CENPP: variants seen among roughly 807,000 people sequenced by gnomAD.
The protein encoded by CENPP is centromere protein P.
CENPP carries 24 observed loss-of-function variants against 35.6 expected under a neutral mutation model. The observed-to-expected ratio is 0.67, with a 90% CI of 0.49 to 0.95. The LOEUF (loss-of-function observed/expected upper bound fraction) is 0.95. Among genes scored for constraint, CENPP ranks in the 40% least tolerant of loss-of-function variants. CENPP has a pLI of 0.00. For synonymous variants in CENPP, 120 were observed against 125.5 expected (o/e 0.96, Z 0.29); for missense variants, 332 against 345.3 (o/e 0.96, Z 0.31).
chr9:92,575,895 G>A (rs144839495), intron 5 of CENPP, among the ~76,000 whole-genome samples: 4 of 152,170 alleles, frequency 2.6e-5, no homozygotes, highest in Admixed American at 1.3e-4. Flanking sequence ...ACCGTTGCGC[G>A]CTGTTATAGT....
chr9:92,422,588 C>T (rs1843840653), intron 5 of CENPP, among the ~76,000 whole-genome samples: 1 of 152,204 alleles, frequency 6.6e-6, no homozygotes, highest in African/African-American at 2.4e-5. Context: ...CCTTGAGGAA[C>T]AATTTCTCTT....
intron 5 of CENPP, among the ~76,000 whole-genome samples, chr9:92,541,362 T>A (rs1378053927): frequency 6.6e-6 from 1 of 151,814 alleles, no homozygotes; most frequent in Admixed American, 6.6e-5. Context: ...TCCCCATCAC[T>A]AGCCTCTGGT....
intron 5 of CENPP, among the ~76,000 whole-genome samples, chr9:92,461,352 C>T (rs1456300358): frequency 6.6e-6 from 1 of 152,174 alleles, no homozygotes; most frequent in Non-Finnish European, 1.5e-5. Context: ...AGTTTCCCCA[C>T]TTGTCTCAAA....
chr9:92,558,973 T>C (rs1033221356), intron 5 of CENPP, among the ~76,000 whole-genome samples: 10 of 152,080 alleles, frequency 6.6e-5, no homozygotes, highest in Non-Finnish European at 1.3e-4. Flanking sequence ...TGAAGGGCAG[T>C]TCCCCCGCCA....
intron 5 of CENPP, among the ~76,000 whole-genome samples, chr9:92,478,383 A>G (rs1845788362): frequency 6.6e-6 from 1 of 152,148 alleles, no homozygotes; most frequent in Non-Finnish European, 1.5e-5. Context: ...GTCAATGGGA[A>G]ATGAAGATTT....
intron 5 of CENPP, among the ~76,000 whole-genome samples, chr9:92,383,145 G>A (rs911033549): frequency 2.0e-5 from 3 of 151,954 alleles, no homozygotes; most frequent in Admixed American, 6.6e-5. Flanking sequence ...TAATCCACCC[G>A]CCTCAGCCTC....
At chr9:92,543,520 G>A (rs140841698) in intron 5 of CENPP, among the ~76,000 whole-genome samples, 1 of 149,994 alleles carries the variant, frequency 6.7e-6, no homozygotes, top group Non-Finnish European at 1.5e-5. Flanking sequence ...AGCTATTCAG[G>A]GTCTTTTGTG....
chr9:92,470,511 T>C (rs1845472082), intron 5 of CENPP, among the ~76,000 whole-genome samples: 1 of 152,236 alleles, frequency 6.6e-6, no homozygotes, highest in Non-Finnish European at 1.5e-5. Flanking sequence ...ATGAAATCTA[T>C]AATTTTTAAT....
chr9:92,475,088 A>G (rs546136510), intron 5 of CENPP, among the ~76,000 whole-genome samples: 2 of 152,332 alleles, frequency 1.3e-5, no homozygotes, highest in East Asian at 3.9e-4. Flanking sequence ...AGCAATGTGC[A>G]TTGGGAACTC....
At chr9:92,608,950 G>C (rs1851158091) in intron 5 of CENPP, among the ~76,000 whole-genome samples, 4 of 152,208 alleles carry the variant, frequency 2.6e-5, no homozygotes, top group Non-Finnish European at 5.9e-5. Flanking sequence ...GCCCCACGTT[G>C]GAGCTGGCCC....
At chr9:92,522,839 AAAAAC>A (rs764161576) in intron 5 of CENPP, 2 of 1,608,472 alleles carry the variant, frequency 1.2e-6, no homozygotes, top group Non-Finnish European at 1.7e-6. Flanking sequence ...ATAAGCAGAA[AAAAAC>A]AAAACAAAAC....
chr9:92,549,841 C>T (rs1849550870), intron 5 of CENPP, among the ~76,000 whole-genome samples: 1 of 152,120 alleles, frequency 6.6e-6, no homozygotes, highest in South Asian at 2.1e-4. Context: ...TTCTCTTACT[C>T]CCTGAGCAAA....
intron 1 of CENPP, among the ~76,000 whole-genome samples, chr9:92,330,442 G>A (rs1019387393): frequency 2.0e-5 from 3 of 152,118 alleles, no homozygotes; most frequent in African/African-American, 7.2e-5. Flanking sequence ...AGAAGTAAGA[G>A]TGTTAGGGTT....
chr9:92,497,065 TA>T (rs1010174468), intron 5 of CENPP, among the ~76,000 whole-genome samples: 3 of 152,088 alleles, frequency 2.0e-5, no homozygotes, highest in Non-Finnish European at 4.4e-5. Context: ...CAATATCTAG[TA>T]AAATTACATA....
In CENPP at chr9:92,593,072, C is replaced by T. The variant is rs1277404797; in HGVS notation, c.565-18242C>T. Among the ~76,000 whole-genome samples the T allele has an allele frequency of 6.6e-6, 1 of 152,230 alleles. No individual in the cohort carries two copies. Among genetic ancestry groups the T allele is most frequent in the Non-Finnish European group, 1.5e-5 (1 of 68,034 alleles). On this transcript the variant is annotated intron_variant, in intron 5 of 7. Coordinates refer to ENST00000375587, the MANE Select transcript of CENPP (RefSeq NM_001012267.3). This position sits in a 1 kb window ranked among gnomAD's most constrained non-coding sequence, Gnocchi z 4.1. ...GCCCCAGGGCTGGAGGCTTCTCTCCCACTGTGTGAGCCTCCCAGCAGCCCT... is the reference window on the plus strand; with the variant it reads ...GCCCCAGGGCTGGAGGCTTCTCTCCTACTGTGTGAGCCTCCCAGCAGCCCT...
chr9:92,559,015 G>C (rs971912697), intron 5 of CENPP, among the ~76,000 whole-genome samples: 2 of 152,080 alleles, frequency 1.3e-5, no homozygotes, highest in African/African-American at 4.8e-5. Flanking sequence ...TCCAAGCAGA[G>C]GGCAAGAGGG....
Position 92,619,673 on chromosome 9 carries a change from C to A in CENPP, c.*6524C>A, listed in dbSNP as rs1851562349. 9.8e-7 allele frequency: 1 copy of A among 1,021,438 alleles called. No individual in the cohort carries two copies. Among genetic ancestry groups the A allele is most frequent in the East Asian group, 2.6e-5 (1 of 38,100 alleles). The allele number at this position is 1,021,438 out of a possible 1,614,324, so 63.3% of individuals were successfully genotyped here. The stretch of plus-strand genomic sequence containing the variant: ...GTGGGAACTGCTTCCTGCCTCAGAA[C>A]CTGAGGGTGGGATTAGGAGCGAGGG... On this transcript the variant is annotated 3_prime_UTR_variant, in exon 8 of 8. Coordinates refer to ENST00000375587, the MANE Select transcript of CENPP (RefSeq NM_001012267.3).
rs561380204 is a variant in CENPP, at chr9:92,529,469, A to G, written c.565-81845A>G. Among the ~76,000 whole-genome samples the G allele has an allele frequency of 3.3e-5, 5 of 152,308 alleles. No individual in the cohort carries two copies. In the East Asian group the frequency reaches 9.6e-4, roughly 29 times the overall value. On this transcript the variant is annotated intron_variant, in intron 5 of 7. Coordinates refer to ENST00000375587, the MANE Select transcript of CENPP (RefSeq NM_001012267.3). ...CGTGCCCCTTGGTATTTACCCAAAT[A>G]AGATGAAAATCTATGTCCACACAAA...
intron 5 of CENPP, among the ~76,000 whole-genome samples, chr9:92,408,526 G>A (rs1436323533): frequency 6.6e-6 from 1 of 152,126 alleles, no homozygotes; most frequent in Non-Finnish European, 1.5e-5. Flanking sequence ...CCTGACCTTG[G>A]CAAGTTCTTT....
Sources: allele counts gnomAD v4.1 joint callset (sites outside exome capture counted in the v4.1 genomes callset), GRCh38; gene constraint gnomAD v4.1.1; non-coding constraint Gnocchi (gnomAD v3.1); transcripts MANE v1.5; gene names NCBI Gene and HGNC (gene_info 2026-07-23, HGNC 2026-07-21).